Variants in GRIP1 observed in about 807,000 individuals in gnomAD.
GRIP1 encodes the protein glutamate receptor-interacting protein 1.
Under a neutral mutation model 129.9 loss-of-function variants are expected in GRIP1, and 45 were observed. The observed-to-expected ratio is 0.35, with a 90% CI of 0.27 to 0.44. The LOEUF is 0.44. Among genes scored for constraint, GRIP1 ranks in the 20% least tolerant of loss-of-function variants. GRIP1 has a pLI of 1.00. For synonymous variants in GRIP1, 530 were observed against 520.8 expected, an observed-to-expected ratio of 1.02 and a Z score of -0.24; for missense variants, 1,196 against 1,396.8, an observed-to-expected ratio of 0.86 and a Z score of 2.29.
At chr12:66,662,564 G>T (rs1277970799) in intron 1 of GRIP1, among the ~76,000 whole-genome samples, 2 of 152,082 alleles carry the variant, frequency 1.3e-5, no homozygotes, top group African/African-American at 4.8e-5. Context: ...AGATGATTGG[G>T]TGAATTATTT....
At chr12:66,923,552 C>G (rs1183518480) in intron 1 of GRIP1, among the ~76,000 whole-genome samples, 2 of 152,152 alleles carry the variant, frequency 1.3e-5, no homozygotes, top group Admixed American at 6.5e-5. Flanking sequence ...CCACTCAAAT[C>G]TAAGCAGAAG....
intron 4 of GRIP1, among the ~76,000 whole-genome samples, chr12:66,532,692 C>T (rs78467553): frequency 0.095 from 14,436 of 152,174 alleles, 826 homozygotes; most frequent in Non-Finnish European, 0.13. Context: ...CTCCAGGTAG[C>T]TGCTGCTCCC....
chr12:66,691,240 T>C (rs180974626), intron 1 of GRIP1, among the ~76,000 whole-genome samples: 99 of 152,324 alleles, frequency 6.5e-4, no homozygotes, highest in African/African-American at 2.3e-3. Flanking sequence ...CTTTAAGGAA[T>C]GTGCCTTCAG....
At chr12:66,936,451 G>A (rs1013870084) in intron 1 of GRIP1, among the ~76,000 whole-genome samples, 2 of 150,156 alleles carry the variant, frequency 1.3e-5, no homozygotes, top group African/African-American at 4.9e-5. Flanking sequence ...AAAAAAAGGT[G>A]GAGAGAATAC....
At chr12:66,533,840 TAC>T (rs10545416) in intron 4 of GRIP1, among the ~76,000 whole-genome samples, 14,315 of 144,734 alleles carry the variant, frequency 0.099, 756 homozygotes, top group East Asian at 0.23. Context: ...TCTATCAGAT[TAC>T]ACACACACAC....
chr12:66,973,917 TTC>T (rs1491369137), intron 1 of GRIP1, among the ~76,000 whole-genome samples: 12 of 116,460 alleles, frequency 1.0e-4, no homozygotes, highest in South Asian at 2.6e-4. Flanking sequence ...TTCTTTTCTT[TTC>T]TTTTTTTTTT....
intron 1 of GRIP1, among the ~76,000 whole-genome samples, chr12:66,658,189 A>T (rs891845692): frequency 6.6e-6 from 1 of 152,242 alleles, no homozygotes; most frequent in Non-Finnish European, 1.5e-5. Flanking sequence ...TAAAGACAAA[A>T]GAAATCAATA....
chr12:66,515,833 T>C (rs754679260), intron 6 of GRIP1, 69 bp from the exon 7 acceptor site: 20 of 1,364,576 alleles, frequency 1.5e-5, no homozygotes, highest in Non-Finnish European at 2.0e-5. Flanking sequence ...ATAGTCACTT[T>C]AGCCAAATTC....
At chr12:66,556,649 A>AC (rs1310603285) in intron 2 of GRIP1, among the ~76,000 whole-genome samples, 1 of 152,084 alleles carries the variant, frequency 6.6e-6, no homozygotes, top group Non-Finnish European at 1.5e-5. Context: ...ATTAAAAAAA[A>AC]AACAACAACA....
At chr12:66,970,628 T>C (rs2042061866) in intron 1 of GRIP1, among the ~76,000 whole-genome samples, 1 of 149,636 alleles carries the variant, frequency 6.7e-6, no homozygotes, top group African/African-American at 2.5e-5. Context: ...TGTCTGCATC[T>C]TGCAGCTCTT....
rs551924769 is a variant in GRIP1, at chr12:66,693,575, AT to A, written c.-419-63240del. On this transcript the variant is annotated intron_variant, in intron 1 of 4. Coordinates refer to the GRIP1 transcript ENST00000538373. ...CCGGGGTGATATGCTCTCAGACAGA[AT>A]TTTTTTAAACACATTCTGGGCCCAT... Among the ~76,000 whole-genome samples the A allele has an allele frequency of 7.9e-5, 12 of 152,126 alleles. No homozygotes were observed. The East Asian group carries it at 1.7e-3, about 22-fold the overall frequency.
chr12:66,977,712 G>A (rs1047914029), intron 1 of GRIP1, among the ~76,000 whole-genome samples: 7 of 150,408 alleles, frequency 4.7e-5, no homozygotes, highest in South Asian at 2.1e-4. Flanking sequence ...GTTGTTGCAC[G>A]TAAGAATAAT....
chr12:67,045,113 AAC>A (rs1368247982), intron 1 of GRIP1, among the ~76,000 whole-genome samples: 1 of 152,234 alleles, frequency 6.6e-6, no homozygotes, highest in African/African-American at 2.4e-5. Flanking sequence ...CAGAAAATGT[AAC>A]ACAGCACATT....
intron 23 of GRIP1, among the ~76,000 whole-genome samples, chr12:66,358,481 C>T (rs983294167): frequency 1.3e-5 from 2 of 152,142 alleles, no homozygotes; most frequent in Admixed American, 6.5e-5. Context: ...GGGTCTCACT[C>T]TGTCACCCCG....
At chr12:67,064,047 A>C (rs747344128) in intron 1 of GRIP1, among the ~76,000 whole-genome samples, 5 of 152,234 alleles carry the variant, frequency 3.3e-5, no homozygotes, top group Non-Finnish European at 7.3e-5. Flanking sequence ...AATAATGGCA[A>C]GTCTTTGGTG....
intron 15 of GRIP1, among the ~76,000 whole-genome samples, chr12:66,419,446 A>G (rs78485248): frequency 1.3e-5 from 2 of 152,270 alleles, no homozygotes; most frequent in Non-Finnish European, 2.9e-5. Flanking sequence ...TAACTAAAAA[A>G]GTATAATTGG....
intron 1 of GRIP1, among the ~76,000 whole-genome samples, chr12:66,619,860 A>G (rs2065193888): frequency 6.6e-6 from 1 of 152,204 alleles, no homozygotes; most frequent in Admixed American, 6.6e-5. Context: ...TTAAAATACC[A>G]GTTACTATTA....
chr12:67,057,668 T>A (rs903180845), intron 1 of GRIP1, among the ~76,000 whole-genome samples: 1 of 152,152 alleles, frequency 6.6e-6, no homozygotes, highest in Non-Finnish European at 1.5e-5. Flanking sequence ...GGCTACCCTT[T>A]GGTGGCAAGT....
intron 1 of GRIP1, among the ~76,000 whole-genome samples, chr12:66,911,313 T>G (rs1000642659): frequency 6.6e-6 from 1 of 152,220 alleles, no homozygotes. Context: ...GAAAAAAATT[T>G]TTAAAGGCGG....
Sources: allele counts gnomAD v4.1 joint callset (sites outside exome capture counted in the v4.1 genomes callset), GRCh38; gene constraint gnomAD v4.1.1; transcripts MANE v1.5; gene names NCBI Gene and HGNC (gene_info 2026-07-23, HGNC 2026-07-21).